Variants in SCAF4 observed in about 807,000 individuals in gnomAD.
The protein encoded by SCAF4 is SR-related and CTD-associated factor 4.
In SCAF4, 25 loss-of-function variants were observed where a neutral mutation model predicts 129.8. The observed-to-expected ratio is 0.19, with a 90% confidence interval of 0.14 to 0.27. SCAF4 has a LOEUF of 0.27. SCAF4 is among the 10% of genes least tolerant of loss of function. The pLI, the probability that SCAF4 is intolerant of heterozygous loss-of-function variation, is 1.00. For missense variants in SCAF4, 1,246 were observed against 1,457.1 expected, an observed-to-expected ratio of 0.86 and a Z score of 2.36; for synonymous variants, 551 against 497.7, an observed-to-expected ratio of 1.11 and a Z score of -1.43.
chr21:31,703,768 A>T lies in SCAF4; in HGVS notation c.318T>A (p.Asp106Glu). The T allele has an allele frequency of 2.0e-6, 3 of 1,501,116 alleles. No homozygotes were observed. Among genetic ancestry groups the T allele is most frequent in the Non-Finnish European group, 2.8e-6 (3 of 1,089,692 alleles). 93.0% of individuals were successfully genotyped at this position (1,501,116 alleles called of 1,614,324 possible). ...TTAGTTTAAAAATTAATTATACCTT[A>T]TCTTCAGATGGACAAAGATATAAAT... ...FQYLYLCPSE[D>E]KSKIVRVLNL... The change falls in exon 4 of 20, where the codon GAT becomes GAA. Residue 106 changes from aspartate to glutamate, a missense_variant. Coordinates refer to ENST00000286835, the MANE Select transcript of SCAF4 (RefSeq NM_020706.2).
intron 12 of SCAF4, among the ~76,000 whole-genome samples, chr21:31,692,899 T>G (rs1381417612): frequency 6.6e-6 from 1 of 152,200 alleles, no homozygotes; most frequent in Non-Finnish European, 1.5e-5. Flanking sequence ...GTGATAAGCC[T>G]TATGGAATCA....
intron 4 of SCAF4, among the ~76,000 whole-genome samples, chr21:31,703,113 A>G (rs1403003381): frequency 1.3e-5 from 2 of 152,108 alleles, no homozygotes; most frequent in Non-Finnish European, 2.9e-5. Flanking sequence ...TCTGATTGCT[A>G]ATGAATACCA....
At chr21:31,688,802 T>C (rs1402841706) in intron 15 of SCAF4, among the ~76,000 whole-genome samples, 1 of 152,192 alleles carries the variant, frequency 6.6e-6, no homozygotes, top group African/African-American at 2.4e-5. Flanking sequence ...CAGGGACGGA[T>C]TCAACTCAGA....
At chr21:31,730,756 T>C (rs2051331051) in intron 1 of SCAF4, among the ~76,000 whole-genome samples, 1 of 152,200 alleles carries the variant, frequency 6.6e-6, no homozygotes, top group African/African-American at 2.4e-5. Context: ...ATGTATGGAC[T>C]CTACACTCCA....
intron 19 of SCAF4, among the ~76,000 whole-genome samples, chr21:31,676,852 C>T (rs2049868415): frequency 6.6e-6 from 1 of 151,720 alleles, no homozygotes; most frequent in African/African-American, 2.4e-5. Flanking sequence ...TCTATTTCCC[C>T]AGCTTTCCCC....
At chr21:31,716,280 G>C (rs2123654669) in intron 1 of SCAF4, among the ~76,000 whole-genome samples, 1 of 151,830 alleles carries the variant, frequency 6.6e-6, no homozygotes, top group East Asian at 1.9e-4. Context: ...CCTTCCTTTG[G>C]TAGTATGACC....
At chr21:31,699,059 G>A (rs915175921) in intron 7 of SCAF4, among the ~76,000 whole-genome samples, 5 of 152,130 alleles carry the variant, frequency 3.3e-5, no homozygotes, top group Non-Finnish European at 5.9e-5. Flanking sequence ...GAGGGGGAGA[G>A]ACGGGATACC....
chr21:31,672,419 T>C (rs2049733723), intron 19 of SCAF4, 65 bp from the exon 20 acceptor site: 1 of 1,244,178 alleles, frequency 8.0e-7, no homozygotes. Context: ...TCAGCTGTGT[T>C]CTGTGGCGCT....
intron 4 of SCAF4, 22 bp downstream of exon 4, chr21:31,703,743 T>A: frequency 7.9e-7 from 1 of 1,266,924 alleles, no homozygotes; most frequent in South Asian, 1.5e-5. Context: ...AATACAAGTT[T>A]TAGTTTAAAA....
intron 1 of SCAF4, among the ~76,000 whole-genome samples, chr21:31,725,060 T>C (rs957939431): frequency 1.3e-5 from 2 of 152,136 alleles, no homozygotes; most frequent in Non-Finnish European, 2.9e-5. Flanking sequence ...GAAAACACTG[T>C]ATAACCAACT....
chr21:31,730,611 A>G (rs1568873802), intron 1 of SCAF4, among the ~76,000 whole-genome samples: 1 of 152,226 alleles, frequency 6.6e-6, no homozygotes, highest in Non-Finnish European at 1.5e-5. Context: ...TGATTTTTCA[A>G]TGTTGCTTTA....
Position 31,696,100 on chromosome 21 carries a change from A to C in SCAF4, c.1068+13T>G. The C allele has an allele frequency of 6.3e-7, 1 of 1,585,936 alleles. No individual in the cohort carries two copies. Among genetic ancestry groups the C allele is most frequent in the South Asian group, 1.1e-5 (1 of 90,376 alleles). ...ATAGATCTTTCTTTGAACTGCAAGAAAAATGCTTGTACCTGATGGTGCATT... is the reference window on the plus strand; with the variant it reads ...ATAGATCTTTCTTTGAACTGCAAGACAAATGCTTGTACCTGATGGTGCATT... On this transcript the variant is annotated intron_variant, in intron 9 of 19. Coordinates refer to ENST00000286835, the MANE Select transcript of SCAF4 (RefSeq NM_020706.2).
chr21:31,731,298 C>T (rs2051349441), intron 1 of SCAF4, among the ~76,000 whole-genome samples: 1 of 152,244 alleles, frequency 6.6e-6, no homozygotes, highest in Non-Finnish European at 1.5e-5. Context: ...TTTGCGGGCT[C>T]CCGGCACTGC....
intron 1 of SCAF4, among the ~76,000 whole-genome samples, chr21:31,726,217 T>C (rs920778741): frequency 6.6e-6 from 1 of 152,160 alleles, no homozygotes; most frequent in Non-Finnish European, 1.5e-5. Flanking sequence ...AGCTAATTTT[T>C]TGTATTTTTA....
chr21:31,671,920 G>C lies in SCAF4; in HGVS notation c.2923C>G (p.Pro975Ala), dbSNP rs767181126. ...QQPPPSQQPPPTQQQPQQFRN... is the reference protein window; with the variant it reads ...QQPPPSQQPPATQQQPQQFRN... ...AACTGCTGTGGCTGCTGCTGTGTTG[G>C]TGGAGGCTGTTGTGATGGTGGTGGC... Residue 975 changes from proline (P) to alanine (A), a missense_variant, in exon 20 of 20, where the codon CCA (proline) becomes GCA (alanine). By Grantham distance (27) the Pro-to-Ala change is conservative. This residue lies in a region of SCAF4 where 339 missense variants were observed against 325.0 expected (regional missense o/e 1.04). Transcript: ENST00000286835. 3.7e-6 allele frequency: 6 copies of C among 1,612,892 alleles called. No individual in the cohort carries two copies. The East Asian group carries it at 1.1e-4, about 30-fold the overall frequency.
At position 31,672,164 on chromosome 21, in the gene SCAF4, T is replaced by A. The variant is rs1753700704; in HGVS notation, c.2679A>T (p.Gly893=). 1 of 1,604,582 alleles carries A rather than the reference T, an allele frequency of 6.2e-7. No individual in the cohort carries two copies. Among genetic ancestry groups the A allele is most frequent in the Non-Finnish European group, 8.5e-7 (1 of 1,173,534 alleles). The change falls in exon 20 of 20, where the codon GGA becomes GGT. Residue 893 remains glycine (G), a synonymous_variant. Transcript: ENST00000286835. The part of the protein sequence containing the change: ...PHMMHRGPPP[G]PGGFAMPPPH... ...GTGGAGGCATCGCAAAGCCCCCTGG[T>A]CCTGGCGGTGGGCCTCTGTGCATCA... is the stretch of plus-strand genomic sequence containing the variant.
intron 1 of SCAF4, among the ~76,000 whole-genome samples, chr21:31,723,505 A>G (rs2051122394): frequency 6.6e-6 from 1 of 152,154 alleles, no homozygotes; most frequent in African/African-American, 2.4e-5. Flanking sequence ...AAAATCCTGT[A>G]ACATTTGTAT....
chr21:31,716,407 GTATTCAAATCTCCTTCCTGT>G (rs941905752), intron 1 of SCAF4, among the ~76,000 whole-genome samples: 3 of 152,038 alleles, frequency 2.0e-5, no homozygotes, highest in African/African-American at 7.2e-5. Flanking sequence ...TGACAGGCTA[GTATTCAAATCTCCTTCCTGT>G]TAGATGCAAA....
chr21:31,696,009 T>C (rs779004906), intron 9 of SCAF4, 104 bp downstream of exon 9: 1 of 667,402 alleles, frequency 1.5e-6, no homozygotes, highest in Non-Finnish European at 2.5e-6. Flanking sequence ...AGAGATATAG[T>C]ACGACTTAGC....
Sources: allele counts gnomAD v4.1 joint callset (sites outside exome capture counted in the v4.1 genomes callset), GRCh38; gene constraint gnomAD v4.1.1; regional missense constraint gnomAD v4.1.1; transcripts MANE v1.5; gene names NCBI Gene and HGNC (gene_info 2026-07-23, HGNC 2026-07-21).